ARL13B: variants seen among roughly 807,000 people sequenced by gnomAD.
ARL13B encodes the protein ARF like GTPase 13B.
ARL13B carries 36 observed loss-of-function variants against 56.1 expected under a neutral mutation model. That is an observed-to-expected ratio of 0.64 (90% CI 0.49 to 0.85). The LOEUF is 0.85. Ranked by LOEUF, ARL13B falls within the 40% of genes least tolerant of loss-of-function variation. The pLI, the probability that ARL13B is intolerant of heterozygous loss-of-function variation, is 0.00. For synonymous variants in ARL13B, 178 were observed against 171.1 expected, an observed-to-expected ratio of 1.04 and a Z score of -0.32; for missense variants, 519 against 507.1, an observed-to-expected ratio of 1.02 and a Z score of -0.23.
intron 7 of ARL13B, among the ~76,000 whole-genome samples, chr3:94,043,537 CTCCCCCTCCTCCCCCT>C (rs2076903088): frequency 3.9e-4 from 1 of 2,590 alleles, no homozygotes; most frequent in Non-Finnish European, 1.2e-3. Context: ...TGGAATAGCC[CTCCCCCTCCTCCCCCT>C]CCCCCCTCCC....
intron 7 of ARL13B, among the ~76,000 whole-genome samples, chr3:94,044,418 G>A (rs557954534): frequency 2.8e-5 from 4 of 142,332 alleles, no homozygotes; most frequent in East Asian, 2.2e-4. Flanking sequence ...GCCTCTGCCC[G>A]GCTGCCCTGA....
At chr3:94,023,100 C>T (rs2076484093) in intron 3 of ARL13B, among the ~76,000 whole-genome samples, 1 of 151,762 alleles carries the variant, frequency 6.6e-6, no homozygotes, top group Admixed American at 6.6e-5. Context: ...GGTTTATCTC[C>T]TTGATTTGGG....
rs2076088413 is a variant in ARL13B at position 94,003,656 on chromosome 3, C to G, written c.131-3C>G. ...TTCTTTTTTTGTGTATCATTTGTAA[C>G]AGAATACCCTGAAGATGTAGCTCCT... On this transcript the variant is annotated splice_polypyrimidine_tract_variant and splice_region_variant and intron_variant, in intron 2 of 9. Coordinates refer to ENST00000394222, the MANE Select transcript of ARL13B (RefSeq NM_001174150.2). 1 of 1,612,632 alleles carries G rather than the reference C, an allele frequency of 6.2e-7. No homozygotes were observed. Among genetic ancestry groups the G allele is most frequent in the Non-Finnish European group, 8.5e-7 (1 of 1,179,290 alleles).
chr3:94,050,782 C>A, intron 8 of ARL13B, 42 bp from the exon 9 acceptor site: 1 of 1,564,112 alleles, frequency 6.4e-7, no homozygotes, highest in South Asian at 1.1e-5. Flanking sequence ...CTAAAGAAAC[C>A]TTGTTTAACA....
intron 3 of ARL13B, among the ~76,000 whole-genome samples, chr3:94,016,162 A>C (rs2076330014): frequency 6.6e-6 from 1 of 152,206 alleles, no homozygotes; most frequent in Admixed American, 6.5e-5. Context: ...GAAGGGAATA[A>C]AAAGCAGTAA....
chr3:94,034,415 A>G (rs545696766), intron 3 of ARL13B, among the ~76,000 whole-genome samples: 1 of 152,228 alleles, frequency 6.6e-6, no homozygotes, highest in South Asian at 2.1e-4. Context: ...TATATAATTA[A>G]ATAGTGGTAA....
At chr3:94,018,196 C>T (rs2106973310) in intron 3 of ARL13B, among the ~76,000 whole-genome samples, 1 of 151,908 alleles carries the variant, frequency 6.6e-6, no homozygotes, top group African/African-American at 2.4e-5. Context: ...CCATGCCTGG[C>T]CCTGATTTAT....
intron 3 of ARL13B, among the ~76,000 whole-genome samples, chr3:94,022,889 A>AATTTTGAAT (rs2076479243): frequency 6.6e-6 from 1 of 152,052 alleles, no homozygotes; most frequent in Non-Finnish European, 1.5e-5. Flanking sequence ...TTTTGTACAT[A>AATTTTGAAT]CATCACTAAT....
intron 2 of ARL13B, among the ~76,000 whole-genome samples, chr3:93,998,880 C>G (rs1190931103): frequency 6.6e-6 from 1 of 150,870 alleles, no homozygotes; most frequent in Non-Finnish European, 1.5e-5. Flanking sequence ...CTCATGGCTC[C>G]TACTTTTCTA....
At position 93,991,392 on chromosome 3, in the gene ARL13B, G is replaced by A. The variant is rs550898808; in HGVS notation, c.60-4482G>A. Among the ~76,000 whole-genome samples the A allele has an allele frequency of 2.0e-5, 3 of 152,238 alleles. No individual in the cohort carries two copies. The South Asian group carries it at 6.2e-4, about 32-fold the overall frequency. On this transcript the variant is annotated intron_variant, in intron 1 of 9. Coordinates refer to ENST00000394222, the MANE Select transcript of ARL13B (RefSeq NM_001174150.2). ...TGCATGCATGTACGAATGAATTAAT[G>A]AATGGATGACAGGGTCTCATTCTGT... is the stretch of plus-strand genomic sequence containing the variant.
intron 6 of ARL13B, among the ~76,000 whole-genome samples, chr3:94,040,686 G>GTTT (rs61346850): frequency 1.3e-4 from 17 of 129,348 alleles, no homozygotes; most frequent in African/African-American, 4.8e-4. Context: ...TACCTGGAAG[G>GTTT]TTTTTTTTTT....
chr3:94,035,120 C>G (rs1046202594), intron 3 of ARL13B, among the ~76,000 whole-genome samples: 1 of 151,944 alleles, frequency 6.6e-6, no homozygotes, highest in Admixed American at 6.6e-5. Context: ...AACTGTAGTC[C>G]CAGCTACTCT....
At chr3:94,042,471 TTGA>T (rs1175002272) in intron 6 of ARL13B, among the ~76,000 whole-genome samples, 1 of 152,180 alleles carries the variant, frequency 6.6e-6, no homozygotes, top group African/African-American at 2.4e-5. Flanking sequence ...AAAATAATAA[TTGA>T]TGAAAATAAT....
intron 7 of ARL13B, among the ~76,000 whole-genome samples, chr3:94,044,696 C>G (rs1576047868): frequency 7.3e-6 from 1 of 136,514 alleles, no homozygotes; most frequent in East Asian, 2.3e-4. Context: ...TGCCCATCGT[C>G]TGGGAAGTGA....
intron 3 of ARL13B, among the ~76,000 whole-genome samples, chr3:94,020,354 C>T (rs2076421672): frequency 6.6e-6 from 1 of 152,100 alleles, no homozygotes; most frequent in Admixed American, 6.5e-5. Flanking sequence ...ACGATCTCAG[C>T]TTTAGTAATT....
chr3:94,034,203 T>C (rs1038153633), intron 3 of ARL13B, among the ~76,000 whole-genome samples: 3 of 152,014 alleles, frequency 2.0e-5, no homozygotes, highest in Non-Finnish European at 2.9e-5. Context: ...AGAAGGTATG[T>C]AGATTTTAAT....
At chr3:94,035,168 C>T (rs62265484) in intron 3 of ARL13B, among the ~76,000 whole-genome samples, 163 bp from the exon 4 acceptor site, 4 of 147,038 alleles carry the variant, frequency 2.7e-5, no homozygotes, top group Admixed American at 7.0e-5. Flanking sequence ...ACCTGGGAGG[C>T]GGAGGTTGCA....
chr3:93,984,451 A>G (rs2107321719), intron 1 of ARL13B, among the ~76,000 whole-genome samples: 2 of 152,254 alleles, frequency 1.3e-5, no homozygotes, highest in South Asian at 4.1e-4. Context: ...TCTTCTTCCC[A>G]TTGAGTAGGC....
At chr3:93,995,458 A>G (rs1341506622) in intron 1 of ARL13B, among the ~76,000 whole-genome samples, 1 of 152,170 alleles carries the variant, frequency 6.6e-6, no homozygotes, top group Non-Finnish European at 1.5e-5. Flanking sequence ...GTAAGATGCT[A>G]CATATTTAAA....
Sources: allele counts gnomAD v4.1 joint callset (sites outside exome capture counted in the v4.1 genomes callset), GRCh38; gene constraint gnomAD v4.1.1; transcripts MANE v1.5; gene names NCBI Gene and HGNC (gene_info 2026-07-23, HGNC 2026-07-21).